NEGR1: variants seen among roughly 807,000 people sequenced by gnomAD.
The protein encoded by NEGR1 is IgLON family member 4.
NEGR1 carries 10 observed loss-of-function variants against 40.9 expected under a neutral mutation model. The observed-to-expected ratio is 0.24, with a 90% CI of 0.15 to 0.42. NEGR1 has a LOEUF of 0.42. Ranked by LOEUF, NEGR1 falls within the 10% of genes least tolerant of loss-of-function variation. NEGR1 has a pLI of 1.00. For missense variants in NEGR1, 352 were observed against 438.9 expected (o/e 0.80, Z 1.77); for synonymous variants, 185 against 166.8 (o/e 1.11, Z -0.84).
At chr1:71,482,930 C>T (rs1646863308) in intron 6 of NEGR1, among the ~76,000 whole-genome samples, 1 of 151,768 alleles carries the variant, frequency 6.6e-6, no homozygotes, top group African/African-American at 2.4e-5. Context: ...AATTAAAATA[C>T]AATAATTATT....
chr1:71,722,718 AT>A lies in NEGR1; in HGVS notation c.536-24580del, dbSNP rs940834384. 1.2e-3 allele frequency among the ~76,000 whole-genome samples: 161 copies of A among 139,836 alleles called. 1 individual carries two copies. Among genetic ancestry groups the A allele is most frequent in the African/African-American group, 4.9e-3 (148 of 30,190 alleles). The allele number at this position is 139,836 out of a possible 152,430, so 91.7% of individuals were successfully genotyped here. On this transcript the variant is annotated intron_variant, in intron 3 of 6. Coordinates refer to ENST00000357731, the MANE Select transcript of NEGR1 (RefSeq NM_173808.3). Reference sequence around the variant, plus strand: ...GTGGGTCAGAAAAAAATTGGCATACATTTTTTTTATTTTTTAAAAGCTTTAT... The same window carrying A: ...GTGGGTCAGAAAAAAATTGGCATACATTTTTTTATTTTTTAAAAGCTTTAT...
intron 1 of NEGR1, among the ~76,000 whole-genome samples, chr1:72,204,824 T>C (rs928293901): frequency 6.6e-6 from 1 of 152,166 alleles, no homozygotes; most frequent in Admixed American, 6.6e-5. Flanking sequence ...ATTAAATATG[T>C]TAATAGGTTA....
intron 2 of NEGR1, among the ~76,000 whole-genome samples, chr1:71,884,356 A>G (rs892191434): frequency 6.6e-6 from 1 of 152,176 alleles, no homozygotes; most frequent in African/African-American, 2.4e-5. Flanking sequence ...ACCCCCATCC[A>G]TACACACAGA....
chr1:71,936,617 T>C (rs944039038), intron 1 of NEGR1, among the ~76,000 whole-genome samples: 5 of 151,878 alleles, frequency 3.3e-5, no homozygotes, highest in Non-Finnish European at 7.4e-5. Context: ...ATGAGAGAAA[T>C]AGGAATTTCA....
At chr1:71,596,427 A>G (rs566017991) in intron 5 of NEGR1, among the ~76,000 whole-genome samples, 179 of 152,326 alleles carry the variant, frequency 1.2e-3, no homozygotes, top group African/African-American at 4.2e-3. Context: ...ATAGTCCCCT[A>G]TATTTTCTAG....
At chr1:72,040,963 A>C (rs1646948453) in intron 1 of NEGR1, among the ~76,000 whole-genome samples, 1 of 151,938 alleles carries the variant, frequency 6.6e-6, no homozygotes, top group Admixed American at 6.6e-5. Flanking sequence ...ACATCAACCT[A>C]ATAACCTGTT....
chr1:71,689,814 A>G (rs963303499), intron 4 of NEGR1, among the ~76,000 whole-genome samples: 12 of 151,080 alleles, frequency 7.9e-5, no homozygotes, highest in African/African-American at 2.7e-4. Context: ...AATTTAATAT[A>G]ATAAATATAA....
At chr1:71,761,189 T>A (rs1019504128) in intron 3 of NEGR1, among the ~76,000 whole-genome samples, 1 of 152,172 alleles carries the variant, frequency 6.6e-6, no homozygotes, top group East Asian at 1.9e-4. Flanking sequence ...TCAGCAAACA[T>A]TTTTTAAAGG....
intron 1 of NEGR1, among the ~76,000 whole-genome samples, chr1:72,223,784 T>C (rs1022855989): frequency 6.6e-6 from 1 of 152,180 alleles, no homozygotes; most frequent in Non-Finnish European, 1.5e-5. Flanking sequence ...TTAAGTCAAA[T>C]ATCTTCTTTG....
chr1:71,614,068 C>G (rs1027054185), intron 4 of NEGR1, among the ~76,000 whole-genome samples: 56 of 152,086 alleles, frequency 3.7e-4, no homozygotes, highest in African/African-American at 1.2e-3. Context: ...TATTGCACTT[C>G]TATTTCTCTG....
At chr1:71,870,750 A>G (rs902194528) in intron 2 of NEGR1, among the ~76,000 whole-genome samples, 2 of 152,180 alleles carry the variant, frequency 1.3e-5, no homozygotes, top group African/African-American at 4.8e-5. Flanking sequence ...CTGGCTCTGT[A>G]AGTGTCTTTT....
At chr1:72,102,407 G>A (rs867646300) in intron 1 of NEGR1, among the ~76,000 whole-genome samples, 4 of 151,918 alleles carry the variant, frequency 2.6e-5, no homozygotes, top group Non-Finnish European at 5.9e-5. Flanking sequence ...CATAAATACT[G>A]TAGTTTTGCT....
intron 2 of NEGR1, among the ~76,000 whole-genome samples, chr1:71,878,362 A>C (rs1570459572): frequency 6.6e-6 from 1 of 152,128 alleles, no homozygotes; most frequent in Non-Finnish European, 1.5e-5. Flanking sequence ...GCCTGTTAAA[A>C]CAGAATGCTG....
intron 4 of NEGR1, among the ~76,000 whole-genome samples, chr1:71,657,727 C>G (rs540226338): frequency 6.6e-6 from 1 of 152,228 alleles, no homozygotes; most frequent in East Asian, 1.9e-4. Flanking sequence ...ATGGTTTGAT[C>G]CTCCCTGGTG....
At chr1:71,832,805 A>G (rs941806713) in intron 2 of NEGR1, among the ~76,000 whole-genome samples, 2 of 152,086 alleles carry the variant, frequency 1.3e-5, no homozygotes, top group African/African-American at 4.8e-5. Flanking sequence ...TGATTACATA[A>G]GGAATCATGG....
At position 72,212,939 on chromosome 1, in the gene NEGR1, C is replaced by A. The variant is rs116642804; in HGVS notation, c.176+69380G>T. Reference sequence around the variant, plus strand: ...ATAAAGATGAAGTACTATGAGAGAGCAGTCAGAGAAGACTATGTAAGCAAG... The same window carrying A: ...ATAAAGATGAAGTACTATGAGAGAGAAGTCAGAGAAGACTATGTAAGCAAG... On this transcript the variant is annotated intron_variant, in intron 1 of 6. Coordinates refer to ENST00000357731, the MANE Select transcript of NEGR1 (RefSeq NM_173808.3). 8.4e-3 allele frequency among the ~76,000 whole-genome samples: 1,270 copies of A among 151,866 alleles called. 19 individuals are homozygous for A. The highest frequency in any genetic ancestry group is 0.029 in the African/African-American group (1,208 of 41,456).
At chr1:72,226,899 C>T (rs1654208197) in intron 1 of NEGR1, among the ~76,000 whole-genome samples, 2 of 151,986 alleles carry the variant, frequency 1.3e-5, no homozygotes, top group African/African-American at 4.8e-5. Context: ...CAATTATTGT[C>T]ATATTAGAGT....
At position 71,488,830 on chromosome 1, in the gene NEGR1, A is replaced by G. The variant is rs80324348; in HGVS notation, c.941-81260T>C. Among the ~76,000 whole-genome samples the G allele has an allele frequency of 3.6e-3, 553 of 151,868 alleles. 4 individuals are homozygous for G. Among genetic ancestry groups the G allele is most frequent in the Non-Finnish European group, 5.6e-3 (381 of 67,848 alleles). On this transcript the variant is annotated intron_variant, in intron 6 of 6. Transcript: ENST00000357731. ...AGAAGTATTATACAATTCAAGATGT[A>G]ATAAAACTAGAGGTTTTTCTTCTCA...
At chr1:71,430,427 T>C (rs1646458326) in intron 6 of NEGR1, among the ~76,000 whole-genome samples, 1 of 152,150 alleles carries the variant, frequency 6.6e-6, no homozygotes, top group Non-Finnish European at 1.5e-5. Context: ...TTTTCTCTCT[T>C]GCTTTTATGT....
Sources: gnomAD v4.1 joint callset for allele counts (sites outside exome capture counted in the v4.1 genomes callset) on GRCh38, gnomAD v4.1.1 for gene constraint, MANE v1.5 for transcripts, NCBI Gene and HGNC (gene_info 2026-07-23, HGNC 2026-07-21) for gene names.